BMS1: variants seen among roughly 807,000 people sequenced by gnomAD.
BMS1 encodes the protein ribosome biogenesis protein BMS1 homolog.
A neutral mutation model predicts 138.7 loss-of-function variants in BMS1; 53 were observed. The observed-to-expected ratio is 0.38, with a 90% CI of 0.31 to 0.48. BMS1 has a LOEUF of 0.48. Among genes scored for constraint, BMS1 ranks in the 20% least tolerant of loss-of-function variants. The pLI, the probability that BMS1 is intolerant of heterozygous loss-of-function variation, is 0.97. For missense variants in BMS1, 1,360 were observed against 1,565.5 expected (o/e 0.87, Z 2.22); for synonymous variants, 504 against 539.9 (o/e 0.93, Z 0.92).
At chr10:42,811,049 A>T (rs1247770553) in intron 13 of BMS1, among the ~76,000 whole-genome samples, 12 of 149,664 alleles carry the variant, frequency 8.0e-5, no homozygotes, top group East Asian at 2.0e-4. Flanking sequence ...TATTATTATT[A>T]TTTTTTTTTT....
rs574980010 is a variant in BMS1, at chr10:42,790,392, G to A, written c.517G>A (p.Val173Ile). ...GTTTGAGTTTCTAAACATCTGTCAAGTACATGGCTTTCCTAAAATTATGGG... is the reference window on the plus strand; with the variant it reads ...GTTTGAGTTTCTAAACATCTGTCAAATACATGGCTTTCCTAAAATTATGGG... ...ETFEFLNICQVHGFPKIMGVL... is the reference protein window; with the variant it reads ...ETFEFLNICQIHGFPKIMGVL... The change falls in exon 5 of 23, where the codon GTA becomes ATA. Residue 173 changes from valine to isoleucine, a missense_variant. Coordinates refer to ENST00000374518, the MANE Select transcript of BMS1 (RefSeq NM_014753.4). The A allele has an allele frequency of 6.2e-7, 1 of 1,613,876 alleles. No homozygotes were observed. The highest frequency in any genetic ancestry group is 2.2e-5 in the East Asian group (1 of 44,880).
chr10:42,790,519 G>C lies in BMS1; in HGVS notation c.636+8G>C, dbSNP rs1187391893. On this transcript the variant is annotated splice_region_variant and intron_variant, in intron 5 of 22. Coordinates refer to ENST00000374518, the MANE Select transcript of BMS1 (RefSeq NM_014753.4). ...TGGACGGAAGTTTACCCGGTACGAA[G>C]AGAAATAATTGTTGGATACTAACAG... 1.2e-6 allele frequency: 2 copies of C among 1,613,176 alleles called. No individual in the cohort carries two copies. The highest frequency in any genetic ancestry group is 2.2e-5 in the South Asian group (2 of 91,014).
intron 13 of BMS1, among the ~76,000 whole-genome samples, chr10:42,808,113 T>C (rs751620380): frequency 4.6e-5 from 7 of 152,120 alleles, no homozygotes; most frequent in African/African-American, 1.7e-4. Flanking sequence ...TCTGGGGATG[T>C]CTTTTTTTTG....
chr10:42,803,113 G>A (rs1004583324), intron 13 of BMS1, among the ~76,000 whole-genome samples: 2 of 152,146 alleles, frequency 1.3e-5, no homozygotes, highest in Non-Finnish European at 2.9e-5. Context: ...CCTCAACCTC[G>A]CAGACTGAAG....
chr10:42,796,127 A>T, intron 9 of BMS1, among the ~76,000 whole-genome samples: 1 of 152,188 alleles, frequency 6.6e-6, no homozygotes, highest in East Asian at 1.9e-4. Flanking sequence ...ATTTCTCTTA[A>T]GGATCATGTG....
intron 21 of BMS1, among the ~76,000 whole-genome samples, chr10:42,827,893 T>C (rs180831303): frequency 6.6e-6 from 1 of 152,330 alleles, no homozygotes; most frequent in East Asian, 1.9e-4. Flanking sequence ...GGGTACTCTT[T>C]TGAACTATTT....
chr10:42,805,267 C>A (rs555908635), intron 13 of BMS1, among the ~76,000 whole-genome samples: 1 of 152,156 alleles, frequency 6.6e-6, no homozygotes, highest in South Asian at 2.1e-4. Flanking sequence ...GTTGAATTGC[C>A]CTGTATTGGT....
chr10:42,822,980 C>T (rs1842543840), intron 19 of BMS1, 138 bp from the exon 20 acceptor site: 5 of 868,918 alleles, frequency 5.8e-6, no homozygotes, highest in Non-Finnish European at 8.1e-6. Context: ...CTTTCAGGGG[C>T]GAATACATTT....
chr10:42,816,084 G>A (rs1454753646), intron 13 of BMS1, among the ~76,000 whole-genome samples: 2 of 152,088 alleles, frequency 1.3e-5, no homozygotes, highest in African/African-American at 2.4e-5. Flanking sequence ...GGCAGATCAC[G>A]AGGTCAGGAG....
chr10:42,824,655 A>C (rs1368764211), intron 21 of BMS1, among the ~76,000 whole-genome samples: 1 of 151,938 alleles, frequency 6.6e-6, no homozygotes, highest in Non-Finnish European at 1.5e-5. Flanking sequence ...TTTTGAGTTG[A>C]TTTTTGTGTA....
intron 7 of BMS1, 120 bp from the exon 8 acceptor site, chr10:42,792,837 C>A: frequency 7.6e-7 from 1 of 1,322,196 alleles, no homozygotes; most frequent in Non-Finnish European, 1.0e-6. Context: ...TGGCACAATG[C>A]CCTTCTTTAG....
intron 17 of BMS1, 26 bp from the exon 18 acceptor site, chr10:42,820,908 A>G (rs768569799): frequency 9.4e-6 from 15 of 1,597,718 alleles, no homozygotes; most frequent in Non-Finnish European, 1.2e-5. Flanking sequence ...GGTTCGCTAT[A>G]TTTCTTTTTT....
At chr10:42,792,761 A>G (rs1841548112) in intron 7 of BMS1, 147 bp downstream of exon 7, 3 of 1,370,498 alleles carry the variant, frequency 2.2e-6, no homozygotes, top group South Asian at 2.8e-5. Context: ...TAGGCCTGCA[A>G]AGGTGTTACT....
intron 21 of BMS1, 42 bp from the exon 22 acceptor site, chr10:42,830,219 A>T: frequency 6.3e-7 from 1 of 1,597,954 alleles, no homozygotes; most frequent in Non-Finnish European, 8.5e-7. Context: ...ATGCACATTG[A>T]TCATAATTTG....
chr10:42,799,264 C>T (rs1395843638), intron 12 of BMS1, among the ~76,000 whole-genome samples: 1 of 152,182 alleles, frequency 6.6e-6, no homozygotes, highest in East Asian at 1.9e-4. Flanking sequence ...CACGAGCCAC[C>T]AGGCCTGGCT....
intron 13 of BMS1, among the ~76,000 whole-genome samples, chr10:42,810,325 A>C (rs2132350521): frequency 6.6e-6 from 1 of 152,356 alleles, no homozygotes; most frequent in Middle Eastern, 3.4e-3. Flanking sequence ...TGAACTACGA[A>C]AAGATCACCA....
At chr10:42,801,063 A>G (rs1176648312) in intron 12 of BMS1, among the ~76,000 whole-genome samples, 1 of 152,180 alleles carries the variant, frequency 6.6e-6, no homozygotes, top group African/African-American at 2.4e-5. Flanking sequence ...GCTCTATGAT[A>G]TGAGAGAGCG....
intron 13 of BMS1, among the ~76,000 whole-genome samples, chr10:42,808,322 A>G (rs902259493): frequency 1.3e-5 from 2 of 150,978 alleles, no homozygotes; most frequent in Non-Finnish European, 2.9e-5. Context: ...TTTTTGAGAC[A>G]GAGTCTCTCT....
At chr10:42,800,672 G>A (rs1303388686) in intron 12 of BMS1, among the ~76,000 whole-genome samples, 3 of 151,588 alleles carry the variant, frequency 2.0e-5, no homozygotes, top group South Asian at 2.1e-4. Flanking sequence ...TATTACAGGC[G>A]CCCACCACTA....
Sources: allele counts gnomAD v4.1 joint callset (sites outside exome capture counted in the v4.1 genomes callset), GRCh38; gene constraint gnomAD v4.1.1; transcripts MANE v1.5; gene names NCBI Gene and HGNC (gene_info 2026-07-23, HGNC 2026-07-21).